AGBL4: variants seen among roughly 807,000 people sequenced by gnomAD.
AGBL4 encodes cytosolic carboxypeptidase 6.
In AGBL4, 58 loss-of-function variants were observed where a neutral mutation model predicts 66.4. The observed-to-expected ratio is 0.87, with a 90% CI of 0.71 to 1.09. AGBL4 has a LOEUF of 1.09. AGBL4 is among the 50% of genes least tolerant of loss of function. The pLI, the probability that AGBL4 is intolerant of heterozygous loss-of-function variation, is 0.00. For synonymous variants in AGBL4, 234 were observed against 222.9 expected, an observed-to-expected ratio of 1.05 and a Z score of -0.44; for missense variants, 579 against 631.0, an observed-to-expected ratio of 0.92 and a Z score of 0.88.
At chr1:49,630,863 T>C (rs1212433872) in intron 3 of AGBL4, among the ~76,000 whole-genome samples, 1 of 152,126 alleles carries the variant, frequency 6.6e-6, no homozygotes, top group East Asian at 1.9e-4. Flanking sequence ...TTATTTGTAG[T>C]AGTAGTATTT....
intron 6 of AGBL4, among the ~76,000 whole-genome samples, chr1:48,794,696 T>A (rs1483006651): frequency 6.6e-6 from 1 of 152,218 alleles, no homozygotes; most frequent in Non-Finnish European, 1.5e-5. Context: ...TCTTTGATAA[T>A]CTTCAGTCTC....
In AGBL4 at chr1:49,670,152, C is replaced by T. The variant is rs147991824; in HGVS notation, c.282+27161G>A. Reference sequence around the variant, plus strand: ...CAAAGGCAGACAACAGATTGAGAAGCACCTATTCTTTAAAAATCATCAGAG... The same window carrying T: ...CAAAGGCAGACAACAGATTGAGAAGTACCTATTCTTTAAAAATCATCAGAG... On this transcript the variant is annotated intron_variant, in intron 3 of 13. Coordinates refer to ENST00000371839, the MANE Select transcript of AGBL4 (RefSeq NM_032785.4). Among the ~76,000 whole-genome samples the T allele has an allele frequency of 1.6e-3, 248 of 152,172 alleles. 1 individual carries two copies. The East Asian group carries it at 0.021, about 13-fold the overall frequency.
intron 1 of AGBL4, among the ~76,000 whole-genome samples, chr1:49,915,051 T>C (rs530705922): frequency 9.2e-5 from 14 of 152,018 alleles, no homozygotes; most frequent in Non-Finnish European, 1.9e-4. Context: ...TAACACTGAA[T>C]AAAGATAATT....
intron 2 of AGBL4, among the ~76,000 whole-genome samples, chr1:49,826,200 T>C (rs888878601): frequency 6.6e-6 from 1 of 152,132 alleles, no homozygotes; most frequent in African/African-American, 2.4e-5. Context: ...CCCTCTGTAA[T>C]TGAAGTTTAG....
At chr1:49,068,815 C>T (rs2147929539) in intron 4 of AGBL4, among the ~76,000 whole-genome samples, 1 of 152,278 alleles carries the variant, frequency 6.6e-6, no homozygotes, top group African/African-American at 2.4e-5. Flanking sequence ...CAGAGTCTTC[C>T]ACAATGGTTG....
At chr1:49,877,349 T>G (rs1168429577) in intron 1 of AGBL4, among the ~76,000 whole-genome samples, 1 of 152,062 alleles carries the variant, frequency 6.6e-6, no homozygotes, top group Non-Finnish European at 1.5e-5. Context: ...ACCTAATTTA[T>G]TGAGAGTTTT....
chr1:48,715,554 A>C (rs1203093273), intron 6 of AGBL4, among the ~76,000 whole-genome samples: 1 of 152,186 alleles, frequency 6.6e-6, no homozygotes, highest in Non-Finnish European at 1.5e-5. Flanking sequence ...CCTAGCCCAG[A>C]ATGGCTTCAG....
At chr1:49,813,004 C>A (rs956597986) in intron 2 of AGBL4, among the ~76,000 whole-genome samples, 1 of 152,070 alleles carries the variant, frequency 6.6e-6, no homozygotes, top group African/African-American at 2.4e-5. Flanking sequence ...AAGCGCATCA[C>A]CTGCAAGAAA....
chr1:49,754,947 C>G (rs1164249042), intron 2 of AGBL4, among the ~76,000 whole-genome samples: 6 of 152,170 alleles, frequency 3.9e-5, no homozygotes, highest in African/African-American at 1.4e-4. Flanking sequence ...TTGGGGAAGT[C>G]AATCTTTTTG....
At chr1:49,775,608 T>C (rs1339432989) in intron 2 of AGBL4, among the ~76,000 whole-genome samples, 1 of 152,136 alleles carries the variant, frequency 6.6e-6, no homozygotes, top group Non-Finnish European at 1.5e-5. Flanking sequence ...CAGTTTATTT[T>C]GCCTTAAATT....
rs561878629 is a variant in AGBL4 at position 48,817,620 on chromosome 1, C to A, written c.634+49571G>T. Reference sequence around the variant, plus strand: ...CATGTGTCCAGATCAAGTTGTCTAACTTGCCACACTGATGAGCTTGAGTTC... The same window carrying A: ...CATGTGTCCAGATCAAGTTGTCTAAATTGCCACACTGATGAGCTTGAGTTC... On this transcript the variant is annotated intron_variant, in intron 6 of 13. Coordinates refer to ENST00000371839, the MANE Select transcript of AGBL4 (RefSeq NM_032785.4). The A allele has an allele frequency of 2.7e-4, 48 of 179,830 alleles. No individual in the cohort carries two copies. In the East Asian group the frequency reaches 4.4e-3, roughly 17 times the overall value. The allele number at this position is 179,830 out of a possible 1,614,324, so 11.1% of individuals were successfully genotyped here.
chr1:49,569,404 G>A (rs1031639251), intron 3 of AGBL4, among the ~76,000 whole-genome samples: 1 of 152,086 alleles, frequency 6.6e-6, no homozygotes, highest in Admixed American at 6.6e-5. Context: ...ATAAATGCTT[G>A]AGGAGATGGA....
chr1:49,731,791 A>G (rs1185789725), intron 2 of AGBL4, among the ~76,000 whole-genome samples: 2 of 152,192 alleles, frequency 1.3e-5, no homozygotes, highest in Admixed American at 6.5e-5. Context: ...CCTACGGCCA[A>G]TTGAAGAGAT....
chr1:49,100,648 A>T (rs1645184541), intron 4 of AGBL4, among the ~76,000 whole-genome samples: 1 of 152,154 alleles, frequency 6.6e-6, no homozygotes, highest in Non-Finnish European at 1.5e-5. Flanking sequence ...CAGAGATTGT[A>T]AGTCCAAGTT....
intron 4 of AGBL4, among the ~76,000 whole-genome samples, chr1:49,160,954 A>T (rs1436775853): frequency 6.6e-6 from 1 of 152,108 alleles, no homozygotes; most frequent in Non-Finnish European, 1.5e-5. Flanking sequence ...TGGCAGTGAG[A>T]ATTTTAAGCC....
At chr1:48,946,277 G>C (rs562273418) in intron 5 of AGBL4, among the ~76,000 whole-genome samples, 8 of 152,302 alleles carry the variant, frequency 5.3e-5, no homozygotes, top group African/African-American at 1.4e-4. Flanking sequence ...CCAGGGTACA[G>C]GGGCTGCCCT....
chr1:49,329,662 C>T (rs1220448878), intron 3 of AGBL4, among the ~76,000 whole-genome samples: 7 of 151,706 alleles, frequency 4.6e-5, no homozygotes, highest in South Asian at 2.1e-4. Context: ...TGAGACCCCC[C>T]GCCCCCCGCC....
At chr1:49,499,915 G>C (rs924643145) in intron 3 of AGBL4, among the ~76,000 whole-genome samples, 1 of 151,938 alleles carries the variant, frequency 6.6e-6, no homozygotes, top group African/African-American at 2.4e-5. Flanking sequence ...GGATGAAATG[G>C]TAGATCTACT....
intron 5 of AGBL4, among the ~76,000 whole-genome samples, chr1:48,997,293 ACAGG>A (rs1315959592): frequency 3.9e-5 from 6 of 152,298 alleles, no homozygotes; most frequent in African/African-American, 1.4e-4. Flanking sequence ...GGTCTAAAAT[ACAGG>A]CAGTTGGACT....
Sources: allele counts gnomAD v4.1 joint callset (sites outside exome capture counted in the v4.1 genomes callset), GRCh38; gene constraint gnomAD v4.1.1; transcripts MANE v1.5; gene names NCBI Gene and HGNC (gene_info 2026-07-23, HGNC 2026-07-21).